DENND3: variants seen among roughly 807,000 people sequenced by gnomAD.
DENND3 encodes DENN domain-containing protein 3.
DENND3 carries 88 observed loss-of-function variants against 135.1 expected under a neutral mutation model. The ratio of observed to expected loss-of-function variants is 0.65; its 90% CI spans 0.55 to 0.78. The LOEUF (loss-of-function observed/expected upper bound fraction) is 0.78, where lower values mean the gene tolerates loss of function less well. DENND3 is among the 30% of genes least tolerant of loss of function. The pLI, the probability that DENND3 is intolerant of heterozygous loss-of-function variation, is 0.00. For missense variants in DENND3, 1,392 were observed against 1,688.4 expected, an observed-to-expected ratio of 0.82 and a Z score of 3.08; for synonymous variants, 693 against 712.3, an observed-to-expected ratio of 0.97 and a Z score of 0.43.
intron 20 of DENND3, chr8:141,191,413 T>C (rs1824737437): frequency 6.6e-6 from 1 of 152,278 alleles, no homozygotes; most frequent in Non-Finnish European, 1.5e-5. Context: ...ATATGGAACA[T>C]GCTCATCCTT....
rs2154613643 is a variant in DENND3 at position 141,194,999 on chromosome 8, T to C, written c.*766T>C. 6.6e-6 allele frequency: 1 copy of C among 152,314 alleles called. No homozygotes were observed. The highest frequency in any genetic ancestry group is 2.1e-4 in the South Asian group (1 of 4,834). The allele number at this position is 152,314 out of a possible 1,614,324, so 9.4% of individuals were successfully genotyped here. A position where few individuals can be genotyped will look rare whatever the true frequency, so the allele number is the denominator to read the frequency against. On this transcript the variant is annotated 3_prime_UTR_variant, in exon 23 of 23. Coordinates refer to ENST00000519811, the MANE Select transcript of DENND3 (RefSeq NM_001352890.3). The stretch of plus-strand genomic sequence containing the variant: ...AAAGCACATGGGATCAAAAGTAAAA[T>C]AGCATCATGTGTGATCTCGTCTTCC...
At chr8:141,191,182 C>T (rs1824702063) in intron 20 of DENND3, 1 of 152,250 alleles carries the variant, frequency 6.6e-6, no homozygotes, top group Non-Finnish European at 1.5e-5. Context: ...CGTCTGTGCC[C>T]CTTTCCAGGC....
chr8:141,194,608 C>T lies in DENND3; in HGVS notation c.*375C>T, dbSNP rs1034140424. 3 of 248,436 alleles carry T rather than the reference C, an allele frequency of 1.2e-5. No homozygotes were observed. The highest frequency in any genetic ancestry group is 4.6e-5 in the African/African-American group (2 of 43,310). The allele number at this position is 248,436 out of a possible 1,614,324, so 15.4% of individuals were successfully genotyped here. A position where few individuals can be genotyped will look rare whatever the true frequency, so the allele number is the denominator to read the frequency against. Reference sequence around the variant, plus strand: ...CACAGGTGACCCGTGGCCCTCACGTCTCTGGTTTTACCTTTCCTTACTTCA... The same window carrying T: ...CACAGGTGACCCGTGGCCCTCACGTTTCTGGTTTTACCTTTCCTTACTTCA... On this transcript the variant is annotated 3_prime_UTR_variant, in exon 23 of 23. Coordinates refer to ENST00000519811, the MANE Select transcript of DENND3 (RefSeq NM_001352890.3).
intron 9 of DENND3, among the ~76,000 whole-genome samples, chr8:141,162,536 G>A (rs1448743655): frequency 1.3e-5 from 2 of 152,196 alleles, no homozygotes; most frequent in African/African-American, 2.4e-5. Context: ...TACGTACTAA[G>A]TATGCCCTGT....
At chr8:141,131,942 A>G (rs1816156997) in intron 1 of DENND3, among the ~76,000 whole-genome samples, 1 of 151,750 alleles carries the variant, frequency 6.6e-6, no homozygotes, top group African/African-American at 2.4e-5. Flanking sequence ...ACCTTGGAAC[A>G]CTCTTGTGCC....
At position 141,166,123 on chromosome 8, in the gene DENND3, T is replaced by C; in HGVS notation, c.1554-67T>C. ...TCTTCATCACACTGGGAAAAATGCT[T>C]AGTTTAGGCTTATTCTTCAATCATT... On this transcript the variant is annotated intron_variant, in intron 11 of 22. Transcript: ENST00000519811. This position sits in a 1 kb window ranked among gnomAD's most constrained non-coding sequence, Gnocchi z 4.3. The C allele has an allele frequency of 6.7e-7, 1 of 1,490,226 alleles. No homozygotes were observed. The highest frequency in any genetic ancestry group is 1.2e-5 in the South Asian group (1 of 86,084). 92.3% of individuals were successfully genotyped at this position (1,490,226 alleles called of 1,614,324 possible).
chr8:141,161,954 C>T (rs1820191560), intron 9 of DENND3, among the ~76,000 whole-genome samples: 1 of 152,046 alleles, frequency 6.6e-6, no homozygotes, highest in Admixed American at 6.6e-5. Context: ...GCGCCTGCCA[C>T]CACCACGCCT....
chr8:141,191,092 T>C (rs1177946496), intron 20 of DENND3, among the ~76,000 whole-genome samples: 5 of 152,270 alleles, frequency 3.3e-5, no homozygotes. Context: ...AGTGCTCAGT[T>C]TGTTGTGTTT....
rs915350258 is a variant in DENND3 at position 141,130,695 on chromosome 8, T to A, written c.102+1886T>A. 4.5e-4 allele frequency among the ~76,000 whole-genome samples: 69 copies of A among 152,134 alleles called. No homozygotes were observed. The highest frequency in any genetic ancestry group is 7.0e-4 in the African/African-American group (29 of 41,502). On this transcript the variant is annotated intron_variant, in intron 1 of 22. Coordinates refer to ENST00000519811, the MANE Select transcript of DENND3 (RefSeq NM_001352890.3). This position sits in a 1 kb window ranked among gnomAD's most constrained non-coding sequence, Gnocchi z 4.2. Reference sequence around the variant, plus strand: ...ATGTCCAAGGCTTTTAAATATATTTTTTTTTTTTTGAGACAGAGTTTTGCT... The same window carrying A: ...ATGTCCAAGGCTTTTAAATATATTTATTTTTTTTTGAGACAGAGTTTTGCT...
rs1815502438 is a variant in DENND3 at position 141,128,808 on chromosome 8, A to C, written c.101A>C (p.Gln34Pro). The C allele has an allele frequency of 9.1e-6, 13 of 1,421,166 alleles. No homozygotes were observed. The highest frequency in any genetic ancestry group is 1.8e-4 in the Middle Eastern group (1 of 5,406). 88.0% of individuals were successfully genotyped at this position (1,421,166 alleles called of 1,614,324 possible). Residue 34 changes from glutamine to proline, a missense_variant and splice_region_variant, in exon 1 of 23, where the codon CAG becomes CCG. By Grantham distance (76) the Gln-to-Pro change is moderately conservative. Transcript: ENST00000519811. This position sits in a 1 kb window ranked among gnomAD's most constrained non-coding sequence, Gnocchi z 4.5. ...APRDSLRSLE[Q>P]VAYKKGVKHL... is the part of the protein sequence containing the mutation. ...CGGGACAGTCTCCGAAGTCTCGAGC[A>C]GGTGAGGGGCGGGGAAACTGAGGCG...
At chr8:141,161,251 T>C (rs914160231) in intron 9 of DENND3, among the ~76,000 whole-genome samples, 6 of 152,174 alleles carry the variant, frequency 3.9e-5, no homozygotes, top group Non-Finnish European at 7.4e-5. Context: ...CAGGGGCTAG[T>C]GAGGGACAGA....
At chr8:141,186,289 AGAG>A (rs1415085935) in intron 18 of DENND3, among the ~76,000 whole-genome samples, 1 of 152,094 alleles carries the variant, frequency 6.6e-6, no homozygotes, top group Non-Finnish European at 1.5e-5. Context: ...TTGGAGCAAA[AGAG>A]GAGACAGCTG....
intron 17 of DENND3, 174 bp from the exon 18 acceptor site, chr8:141,184,965 T>C (rs1389675492): frequency 5.3e-6 from 4 of 755,170 alleles, no homozygotes; most frequent in Non-Finnish European, 8.1e-6. Flanking sequence ...CCCTTGACTC[T>C]GAGCTCCCAG....
At chr8:141,173,787 C>G (rs1008353923) in intron 13 of DENND3, 2 of 152,280 alleles carry the variant, frequency 1.3e-5, no homozygotes, top group Admixed American at 6.5e-5. Flanking sequence ...CATACCCCAG[C>G]TCTGGGCAGA....
At position 141,188,982 on chromosome 8, in the gene DENND3, T is replaced by A. The variant is rs772906594; in HGVS notation, c.3085-4T>A. The A allele has an allele frequency of 2.5e-6, 4 of 1,612,792 alleles. No individual in the cohort carries two copies. Among genetic ancestry groups the A allele is most frequent in the Non-Finnish European group, 8.5e-7 (1 of 1,179,562 alleles). On this transcript the variant is annotated splice_polypyrimidine_tract_variant and splice_region_variant and intron_variant, in intron 18 of 22. Coordinates refer to ENST00000519811, the MANE Select transcript of DENND3 (RefSeq NM_001352890.3). ...TTTCTCACGTTCCCGTGGCCTCCTG[T>A]TAGAACTGCATGGTGATGGCCGACC...
At chr8:141,176,482 C>T (rs1384712371) in intron 14 of DENND3, 109 bp from the exon 15 acceptor site, 3 of 1,365,976 alleles carry the variant, frequency 2.2e-6, no homozygotes, top group Non-Finnish European at 3.1e-6. Context: ...GGATGCGTGC[C>T]TGCAGCCCAT....
At chr8:141,193,832 G>GC in intron 22 of DENND3, 1 of 609,902 alleles carries the variant, frequency 1.6e-6, no homozygotes, top group African/African-American at 1.8e-5. Context: ...TTCCCCAGAG[G>GC]CCCCTCGGCC....
In DENND3 at chr8:141,138,767, CT is replaced by C. The variant is rs1188789366; in HGVS notation, c.501+631del. On this transcript the variant is annotated intron_variant, in intron 3 of 22. Transcript: ENST00000519811. This position sits in a 1 kb window ranked among gnomAD's most constrained non-coding sequence, Gnocchi z 4.8. ...CTCATACAGCATGTGGCCTGCTTGTCTGACTTCTTTCCCTCAGCATGTTTTG... is the reference window on the plus strand; with the variant it reads ...CTCATACAGCATGTGGCCTGCTTGTCGACTTCTTTCCCTCAGCATGTTTTG... Among the ~76,000 whole-genome samples the C allele has an allele frequency of 8.5e-5, 13 of 152,222 alleles. No individual in the cohort carries two copies. The highest frequency in any genetic ancestry group is 1.9e-4 in the Non-Finnish European group (13 of 68,046).
intron 7 of DENND3, among the ~76,000 whole-genome samples, chr8:141,152,145 A>G (rs1383301877): frequency 6.6e-6 from 1 of 151,848 alleles, no homozygotes; most frequent in Non-Finnish European, 1.5e-5. Flanking sequence ...TACTGTTGTG[A>G]CCCCTCTGTG....
Sources: allele counts gnomAD v4.1 joint callset (sites outside exome capture counted in the v4.1 genomes callset), GRCh38; gene constraint gnomAD v4.1.1; non-coding constraint Gnocchi (gnomAD v3.1); transcripts MANE v1.5; gene names NCBI Gene and HGNC (gene_info 2026-07-23, HGNC 2026-07-21).